Variants in EXOC6 observed in about 807,000 individuals in gnomAD.
The protein encoded by EXOC6 is SEC15-like 1.
EXOC6 carries 60 observed loss-of-function variants against 112.5 expected under a neutral mutation model. The ratio of observed to expected loss-of-function variants is 0.53; its 90% CI spans 0.43 to 0.66. The LOEUF is 0.66. Among genes scored for constraint, EXOC6 ranks in the 30% least tolerant of loss-of-function variants. The probability of loss-of-function intolerance (pLI) is 0.00; values close to 1 mark genes in which losing one functional copy is unlikely to be tolerated. For synonymous variants in EXOC6, 295 were observed against 308.0 expected (o/e 0.96, Z 0.44); for missense variants, 855 against 957.1 (o/e 0.89, Z 1.41).
intron 20 of EXOC6, among the ~76,000 whole-genome samples, chr10:93,042,448 C>T (rs1387409158): frequency 2.0e-5 from 3 of 152,182 alleles, no homozygotes; most frequent in Non-Finnish European, 4.4e-5. Context: ...AAAGACTGGG[C>T]CATTACCGTC....
intron 13 of EXOC6, 55 bp downstream of exon 13, chr10:92,940,879 GTGGTT>G: frequency 2.6e-6 from 3 of 1,140,854 alleles, no homozygotes; most frequent in Non-Finnish European, 3.9e-6. Context: ...AAATGCTCAA[GTGGTT>G]CATTTGCATA....
At chr10:92,934,073 A>T in intron 9 of EXOC6, 71 bp from the exon 10 acceptor site, 1 of 888,602 alleles carries the variant, frequency 1.1e-6, no homozygotes, top group Non-Finnish European at 1.8e-6. Context: ...ATGAAGTTGT[A>T]GTGACTTGGA....
chr10:93,012,230 C>G (rs1395344816), intron 19 of EXOC6, among the ~76,000 whole-genome samples: 1 of 152,056 alleles, frequency 6.6e-6, no homozygotes, highest in African/African-American at 2.4e-5. Flanking sequence ...CTTACCTGCT[C>G]AAGAAGAGTA....
chr10:92,994,125 C>G (rs1403744201), intron 18 of EXOC6, among the ~76,000 whole-genome samples: 1 of 152,198 alleles, frequency 6.6e-6, no homozygotes, highest in East Asian at 1.9e-4. Context: ...AGTCATATTT[C>G]TCATTCTATA....
chr10:93,053,797 C>G (rs762599244), intron 20 of EXOC6, among the ~76,000 whole-genome samples: 4 of 152,190 alleles, frequency 2.6e-5, no homozygotes, highest in Non-Finnish European at 5.9e-5. Context: ...GCTTGCCTGC[C>G]CAGTTTTGAA....
chr10:92,980,092 ATAGTATC>A (rs1297243776), intron 18 of EXOC6, among the ~76,000 whole-genome samples: 1 of 152,178 alleles, frequency 6.6e-6, no homozygotes, highest in Non-Finnish European at 1.5e-5. Flanking sequence ...CCTGCTAAAT[ATAGTATC>A]TTCAATTAGA....
chr10:92,964,825 C>A (rs979851841), intron 17 of EXOC6, among the ~76,000 whole-genome samples: 1 of 152,144 alleles, frequency 6.6e-6, no homozygotes, highest in South Asian at 2.1e-4. Flanking sequence ...CTGCTTTATG[C>A]AATTTTGGCC....
At chr10:93,004,050 T>C (rs1843872924) in intron 19 of EXOC6, among the ~76,000 whole-genome samples, 1 of 152,142 alleles carries the variant, frequency 6.6e-6, no homozygotes, top group Admixed American at 6.6e-5. Flanking sequence ...TGTACTGGAA[T>C]GAGGCAGAGA....
chr10:93,054,908 A>G (rs1846470263), intron 20 of EXOC6, among the ~76,000 whole-genome samples: 1 of 151,962 alleles, frequency 6.6e-6, no homozygotes, highest in Non-Finnish European at 1.5e-5. Flanking sequence ...AACCTTATTT[A>G]TAACTATAGT....
chr10:92,917,533 CTTT>C (rs11295643), intron 7 of EXOC6, among the ~76,000 whole-genome samples: 1 of 139,496 alleles, frequency 7.2e-6, no homozygotes, highest in African/African-American at 2.7e-5. Context: ...TTTTTTCTTT[CTTT>C]TTTTTTTTTT....
chr10:92,864,539 A>T (rs1848078926), intron 1 of EXOC6, among the ~76,000 whole-genome samples: 1 of 152,156 alleles, frequency 6.6e-6, no homozygotes, highest in Admixed American at 6.5e-5. Flanking sequence ...GTGAAACATT[A>T]TTTCTGGGTG....
chr10:93,024,675 C>A (rs543975686), intron 20 of EXOC6, among the ~76,000 whole-genome samples: 1 of 152,278 alleles, frequency 6.6e-6, no homozygotes, highest in African/African-American at 2.4e-5. Flanking sequence ...AGCTAGGCCT[C>A]CCAAAGTCCT....
At chr10:92,884,655 C>CA (rs1564800009) in intron 1 of EXOC6, among the ~76,000 whole-genome samples, 1 of 152,124 alleles carries the variant, frequency 6.6e-6, no homozygotes, top group Non-Finnish European at 1.5e-5. Context: ...AGATTTTCCT[C>CA]AAAGTGTAGA....
intron 18 of EXOC6, among the ~76,000 whole-genome samples, chr10:92,975,741 T>A (rs1218778922): frequency 4.3e-5 from 4 of 92,330 alleles, no homozygotes; most frequent in East Asian, 3.7e-4. Flanking sequence ...GGGAGGGAGG[T>A]CGGGGGGCCA....
chr10:92,829,393 T>C (rs900802715), intron 1 of EXOC6, among the ~76,000 whole-genome samples: 1 of 152,180 alleles, frequency 6.6e-6, no homozygotes, highest in African/African-American at 2.4e-5. Context: ...CTGTTCTCCT[T>C]TCTCTTTCTT....
chr10:92,829,888 G>A (rs1347065631), upstream of EXOC6, among the ~76,000 whole-genome samples: 2 of 152,044 alleles, frequency 1.3e-5, no homozygotes, highest in Non-Finnish European at 2.9e-5. Context: ...CATGCTAAAA[G>A]ACACTCCCAC....
At chr10:92,898,472 TC>T (rs1416922438) in intron 4 of EXOC6, among the ~76,000 whole-genome samples, 1 of 151,890 alleles carries the variant, frequency 6.6e-6, no homozygotes, top group Admixed American at 6.6e-5. Context: ...GCATTTATTT[TC>T]CTGGTGTATT....
chr10:93,054,688 G>A (rs193081276), intron 20 of EXOC6, among the ~76,000 whole-genome samples: 3 of 152,302 alleles, frequency 2.0e-5, no homozygotes. Context: ...CATTCATTAA[G>A]TCGGCTCCTC....
chr10:92,851,653 AAAAC>A (rs759775082), intron 1 of EXOC6, among the ~76,000 whole-genome samples: 5 of 151,856 alleles, frequency 3.3e-5, no homozygotes, highest in African/African-American at 4.9e-5. Flanking sequence ...CCATCTTAAA[AAAAC>A]AAAAACAAAA....
Sources: allele counts gnomAD v4.1 joint callset (sites outside exome capture counted in the v4.1 genomes callset), GRCh38; gene constraint gnomAD v4.1.1; transcripts MANE v1.5; gene names NCBI Gene and HGNC (gene_info 2026-07-23, HGNC 2026-07-21).